Variants in SPAG1 observed in about 807,000 individuals in gnomAD.
The protein encoded by SPAG1 is sperm-associated antigen 1.
A neutral mutation model predicts 100.5 loss-of-function variants in SPAG1; 69 were observed. The observed-to-expected ratio is 0.69, with a 90% CI of 0.57 to 0.84. The LOEUF (loss-of-function observed/expected upper bound fraction) is 0.84. SPAG1 is among the 40% of genes least tolerant of loss of function. The pLI is 0.00. For missense variants in SPAG1, 955 were observed against 1,133.1 expected, an observed-to-expected ratio of 0.84 and a Z score of 2.26; for synonymous variants, 336 against 411.6, an observed-to-expected ratio of 0.82 and a Z score of 2.22.
At position 100,241,901 on chromosome 8, in the gene SPAG1, T is replaced by G. The variant is rs1004677436; in HGVS notation, c.*879T>G. On this transcript the variant is annotated 3_prime_UTR_variant, in exon 19 of 19. Coordinates refer to ENST00000388798, the MANE Select transcript of SPAG1 (RefSeq NM_003114.5). This position sits in a 1 kb window ranked among gnomAD's most constrained non-coding sequence, Gnocchi z 5.1. ...GGGTCAAAGTGAAGGAATTTCAATCTCCATCAGTGTACTGTCATTTATTTC... is the reference window on the plus strand; with the variant it reads ...GGGTCAAAGTGAAGGAATTTCAATCGCCATCAGTGTACTGTCATTTATTTC... The G allele has an allele frequency of 3.3e-5, 5 of 152,364 alleles. No homozygotes were observed. Among genetic ancestry groups the G allele is most frequent in the Admixed American group, 2.6e-4 (4 of 15,302 alleles). 9.4% of individuals were successfully genotyped at this position (152,364 alleles called of 1,614,324 possible).
chr8:100,158,995 A>G (rs1315596144), intron 1 of SPAG1: 1 of 150,892 alleles, frequency 6.6e-6, no homozygotes, highest in Non-Finnish European at 1.5e-5. Context: ...AAAGATTCTC[A>G]GAGAAATGTT....
chr8:100,190,628 G>T (rs1267486658), intron 8 of SPAG1, among the ~76,000 whole-genome samples: 1 of 150,892 alleles, frequency 6.6e-6, no homozygotes, highest in African/African-American at 2.4e-5. Context: ...GCCACATTCT[G>T]AGCTAGATGC....
chr8:100,190,332 T>A lies in SPAG1; in HGVS notation c.833-1058T>A, dbSNP rs921094852. ...TGTCTCAAAAAAAAAAAAAAAAAAA[T>A]TCTCACTTTTCAGAATTACCAAACT... On this transcript the variant is annotated intron_variant, in intron 8 of 18. Transcript: ENST00000388798. 4.7e-4 allele frequency among the ~76,000 whole-genome samples: 71 copies of A among 150,136 alleles called. No homozygotes were observed. In the East Asian group the frequency reaches 0.012, roughly 25 times the overall value.
chr8:100,220,163 G>T, intron 12 of SPAG1, 116 bp from the exon 13 acceptor site: 1 of 798,074 alleles, frequency 1.3e-6, no homozygotes, highest in East Asian at 2.9e-5. Flanking sequence ...TTCCCAAGAC[G>T]AAGTCTCGGA....
chr8:100,183,473 A>G (rs1816455380), intron 5 of SPAG1, 37 bp downstream of exon 5: 3 of 1,029,026 alleles, frequency 2.9e-6, no homozygotes, highest in Non-Finnish European at 4.4e-6. Context: ...ATGTATCACT[A>G]AAAAAGTTAT....
At chr8:100,208,484 G>GA (rs912021029) in intron 10 of SPAG1, among the ~76,000 whole-genome samples, 2 of 151,922 alleles carry the variant, frequency 1.3e-5, no homozygotes, top group African/African-American at 4.8e-5. Flanking sequence ...ACTCCATCAG[G>GA]AAAAAAAACC....
Position 100,213,172 on chromosome 8 carries a change from C to G in SPAG1, c.1179C>G (p.Ala393=). 1 of 1,473,900 alleles carries G rather than the reference C, an allele frequency of 6.8e-7. No homozygotes were observed. The highest frequency in any genetic ancestry group is 8.9e-7 in the Non-Finnish European group (1 of 1,118,622). The allele number at this position is 1,473,900 out of a possible 1,614,324, so 91.3% of individuals were successfully genotyped here. A position where few individuals can be genotyped will look rare whatever the true frequency, so the allele number is the denominator to read the frequency against. ...GNIQKKLTGK[A]EGGKRPARGA... ...TCCAGAAGAAGCTGACTGGCAAAGC[C>G]GAAGGCGGCAAGCGGCCGGCAAGGG... is the stretch of plus-strand genomic sequence containing the variant. Residue 393 remains alanine, a synonymous_variant, in exon 11 of 19, where the codon GCC becomes GCG. Transcript: ENST00000388798.
intron 10 of SPAG1, among the ~76,000 whole-genome samples, chr8:100,202,662 A>C (rs1419348514): frequency 1.5e-5 from 2 of 137,862 alleles, no homozygotes; most frequent in East Asian, 4.7e-4. Flanking sequence ...GTGAGCCGAG[A>C]TCGCGCCACT....
Position 100,241,125 on chromosome 8 carries a change from A to C in SPAG1, c.*103A>C. On this transcript the variant is annotated 3_prime_UTR_variant, in exon 19 of 19. Transcript: ENST00000388798. The surrounding 1 kb of genome is among the most constrained non-coding windows in gnomAD (Gnocchi z 5.1). ...GCATGGATAAAACTTGGCCTAGAAA[A>C]GTTTGGTCTGCACTATAAAACATTT... is the stretch of plus-strand genomic sequence containing the variant. 8.3e-7 allele frequency: 1 copy of C among 1,211,654 alleles called. No individual in the cohort carries two copies. Among genetic ancestry groups the C allele is most frequent in the Non-Finnish European group, 1.2e-6 (1 of 865,454 alleles). The allele number at this position is 1,211,654 out of a possible 1,614,324, so 75.1% of individuals were successfully genotyped here.
At chr8:100,200,425 A>G (rs1817224796) in intron 10 of SPAG1, among the ~76,000 whole-genome samples, 1 of 152,210 alleles carries the variant, frequency 6.6e-6, no homozygotes, top group African/African-American at 2.4e-5. Flanking sequence ...ATGTGTCTTT[A>G]TAGCAGCATG....
chr8:100,216,079 T>C (rs538257276), intron 12 of SPAG1, among the ~76,000 whole-genome samples: 1 of 152,330 alleles, frequency 6.6e-6, no homozygotes, highest in South Asian at 2.1e-4. Flanking sequence ...TGGGATACCA[T>C]TTAATACCAT....
At chr8:100,221,853 C>T in intron 13 of SPAG1, among the ~76,000 whole-genome samples, 1 of 152,230 alleles carries the variant, frequency 6.6e-6, no homozygotes, top group East Asian at 1.9e-4. Context: ...TCAGACCTTA[C>T]CTTCCCATGT....
intron 3 of SPAG1, among the ~76,000 whole-genome samples, chr8:100,167,102 G>A (rs1815595254): frequency 6.6e-6 from 1 of 152,044 alleles, no homozygotes; most frequent in South Asian, 2.1e-4. Context: ...AGGATTGCTT[G>A]AACCCAAGAG....
At chr8:100,174,366 CTCG>C (rs1816012407) in intron 3 of SPAG1, among the ~76,000 whole-genome samples, 1 of 152,050 alleles carries the variant, frequency 6.6e-6, no homozygotes, top group East Asian at 1.9e-4. Context: ...GGTCTTTATC[CTCG>C]TCATCATCAC....
At chr8:100,231,346 A>AT in intron 15 of SPAG1, 58 bp downstream of exon 15, 1 of 1,159,548 alleles carries the variant, frequency 8.6e-7, no homozygotes. Flanking sequence ...TATTAAAAAT[A>AT]TTTTAAGTTA....
chr8:100,160,620 C>A (rs1815262827), intron 1 of SPAG1, among the ~76,000 whole-genome samples: 1 of 129,126 alleles, frequency 7.7e-6, no homozygotes, highest in Non-Finnish European at 1.6e-5. Flanking sequence ...GAGCAAGACT[C>A]CAACTCAAAA....
chr8:100,186,364 C>G (rs951641538), intron 7 of SPAG1, among the ~76,000 whole-genome samples: 1 of 152,042 alleles, frequency 6.6e-6, no homozygotes, highest in African/African-American at 2.4e-5. Flanking sequence ...AGCCACCATG[C>G]CTGGCTTCAA....
chr8:100,199,571 A>G (rs2439462), intron 10 of SPAG1, among the ~76,000 whole-genome samples: 95,063 of 151,920 alleles, frequency 0.63, 30,085 homozygotes, highest in African/African-American at 0.71. Context: ...TCAGCCTCCC[A>G]AGTAGCTGGG....
rs1411569170 is a variant in SPAG1, at chr8:100,237,245, TA to T, written c.2116-1993del. ...ACAGATGTGCACCACCACATCTGGC[TA>T]ATTTTTGTATGTTTAGTAGAGACGG... is the stretch of plus-strand genomic sequence containing the variant. On this transcript the variant is annotated intron_variant, in intron 16 of 18. Coordinates refer to ENST00000388798, the MANE Select transcript of SPAG1 (RefSeq NM_003114.5). Among the ~76,000 whole-genome samples, 5 of 152,312 alleles carry T rather than the reference TA, an allele frequency of 3.3e-5. No homozygotes were observed. The East Asian group carries it at 9.7e-4, about 29-fold the overall frequency.
Sources: allele counts gnomAD v4.1 joint callset (sites outside exome capture counted in the v4.1 genomes callset), GRCh38; gene constraint gnomAD v4.1.1; non-coding constraint Gnocchi (gnomAD v3.1); transcripts MANE v1.5; gene names NCBI Gene and HGNC (gene_info 2026-07-23, HGNC 2026-07-21).